Variants in KIAA0930 observed in about 807,000 individuals in gnomAD.
KIAA0930 encodes uncharacterized protein KIAA0930.
A neutral mutation model predicts 43.9 loss-of-function variants in KIAA0930; 24 were observed. That is an observed-to-expected ratio of 0.55 (90% CI 0.40 to 0.77). The LOEUF (loss-of-function observed/expected upper bound fraction) is 0.77, where lower values mean the gene tolerates loss of function less well. KIAA0930 is among the 30% of genes least tolerant of loss of function. KIAA0930 has a pLI of 0.00. For synonymous variants in KIAA0930, 259 were observed against 216.4 expected, an observed-to-expected ratio of 1.20 and a Z score of -1.73; for missense variants, 461 against 574.2, an observed-to-expected ratio of 0.80 and a Z score of 2.02.
Position 45,240,748 on chromosome 22 carries a change from C to CGGGGGCGGCGGCGGCGGG in KIAA0930, c.-63_-46dup, listed in dbSNP as rs1382586753. 1 of 853,524 alleles carries CGGGGGCGGCGGCGGCGGG rather than the reference C, an allele frequency of 1.2e-6. No individual in the cohort carries two copies. Among genetic ancestry groups the CGGGGGCGGCGGCGGCGGG allele is most frequent in the Non-Finnish European group, 1.3e-6 (1 of 746,196 alleles). The allele number at this position is 853,524 out of a possible 1,614,324, so 52.9% of individuals were successfully genotyped here. On this transcript the variant is annotated 5_prime_UTR_variant, in exon 1 of 10. Coordinates refer to ENST00000336156, the MANE Select transcript of KIAA0930 (RefSeq NM_001009880.2). ...TCGGCCTCGGCGCCGCCCGCAGGCTCGGGGGCGGCGGCGGCGGGGAGGGCG... is the reference window on the plus strand; with the variant it reads ...TCGGCCTCGGCGCCGCCCGCAGGCTCGGGGGCGGCGGCGGCGGGGGGGGCGGCGGCGGCGGGGAGGGCG...
rs751495087 is a variant in KIAA0930, at chr22:45,205,291, G to T, written c.442C>A (p.Pro148Thr). ...GACTCCTCCCCCTTGCTGTCCATGG[G>T]GTGTTTACTGGGGGACGCGAACACT... ...QQVFASPSKH[P>T]MDSKGEESKI... Residue 148 changes from proline (P) to threonine (T), a missense_variant, in exon 5 of 10, where the codon CCC becomes ACC. Physicochemically the swap from Pro to Thr is conservative, Grantham distance 38. Transcript: ENST00000336156. The T allele has an allele frequency of 6.8e-6, 11 of 1,613,960 alleles. No homozygotes were observed. The highest frequency in any genetic ancestry group is 1.3e-5 in the African/African-American group (1 of 74,910).
At chr22:45,216,965 C>A (rs1390057091) in intron 1 of KIAA0930, among the ~76,000 whole-genome samples, 1 of 152,226 alleles carries the variant, frequency 6.6e-6, no homozygotes, top group African/African-American at 2.4e-5. Context: ...TCAGTACCGA[C>A]CCACTGGGTC....
intron 1 of KIAA0930, among the ~76,000 whole-genome samples, chr22:45,229,657 G>A (rs1311164734): frequency 6.6e-6 from 1 of 152,234 alleles, no homozygotes; most frequent in Non-Finnish European, 1.5e-5. Flanking sequence ...ACGGGTTGAG[G>A]AGGGTGATTC....
At chr22:45,205,392 A>T in intron 4 of KIAA0930, 74 bp from the exon 5 acceptor site, 1 of 1,343,946 alleles carries the variant, frequency 7.4e-7, no homozygotes, top group Non-Finnish European at 1.1e-6. Context: ...CCAAGCCAGT[A>T]TAGGGAGGCC....
intron 1 of KIAA0930, among the ~76,000 whole-genome samples, chr22:45,235,803 G>A (rs888253717): frequency 6.6e-6 from 1 of 152,190 alleles, no homozygotes; most frequent in East Asian, 1.9e-4. Context: ...GTCTACAGAT[G>A]AGGACACTGA....
At chr22:45,201,695 T>C (rs931708636) in intron 7 of KIAA0930, among the ~76,000 whole-genome samples, 13 of 152,040 alleles carry the variant, frequency 8.6e-5, no homozygotes, top group Non-Finnish European at 1.5e-4. Context: ...TTGCAAAAAA[T>C]AGCACTTGCT....
chr22:45,201,733 G>A (rs1051543334), intron 7 of KIAA0930, among the ~76,000 whole-genome samples: 1 of 152,092 alleles, frequency 6.6e-6, no homozygotes, highest in Non-Finnish European at 1.5e-5. Context: ...CACATTCATT[G>A]CAGAAGATAC....
intron 1 of KIAA0930, among the ~76,000 whole-genome samples, chr22:45,237,002 G>T (rs560901764): frequency 6.6e-6 from 1 of 152,190 alleles, no homozygotes; most frequent in Non-Finnish European, 1.5e-5. Context: ...CCCAGGTCGC[G>T]TCCACGTTAC....
chr22:45,240,804 C>A lies in KIAA0930; in HGVS notation c.-101G>T, dbSNP rs1224904527. 1 of 508 alleles carries A rather than the reference C, an allele frequency of 2.0e-3. No homozygotes were observed. Among genetic ancestry groups the A allele is most frequent in the African/African-American group, 0.028 (1 of 36 alleles). 0.0% of individuals were successfully genotyped at this position (508 alleles called of 1,614,324 possible). On this transcript the variant is annotated 5_prime_UTR_variant, in exon 1 of 10. Coordinates refer to ENST00000336156, the MANE Select transcript of KIAA0930 (RefSeq NM_001009880.2). ...CCCGGCCCGCAGCCCGCCGCGAGCA[C>A]CAAGGAAGCCACAGTCCGCCTCTGT...
At chr22:45,232,831 C>G (rs1027673094) in intron 1 of KIAA0930, among the ~76,000 whole-genome samples, 2 of 152,162 alleles carry the variant, frequency 1.3e-5, no homozygotes, top group African/African-American at 4.8e-5. Flanking sequence ...GGGGCTGAGC[C>G]AGGGCTCTGT....
Position 45,194,559 on chromosome 22 carries a change from G to GT in KIAA0930, c.*2616_*2617insA, listed in dbSNP as rs2083519379. 6.6e-6 allele frequency: 1 copy of GT among 152,178 alleles called. No homozygotes were observed. The highest frequency in any genetic ancestry group is 1.5e-5 in the Non-Finnish European group (1 of 68,038). 9.4% of individuals were successfully genotyped at this position (152,178 alleles called of 1,614,324 possible). A position where few individuals can be genotyped will look rare whatever the true frequency, so the allele number is the denominator to read the frequency against. On this transcript the variant is annotated 3_prime_UTR_variant, in exon 10 of 10. Transcript: ENST00000336156. ...AGAAAAATTAAAGATGGTCTTACAA[G>GT]AAGTACAAATGTGCCAACACCAGGA...
At chr22:45,225,534 G>A (rs539960468) in intron 1 of KIAA0930, among the ~76,000 whole-genome samples, 4 of 152,114 alleles carry the variant, frequency 2.6e-5, no homozygotes, top group Admixed American at 1.3e-4. Context: ...AGCCAGCCTC[G>A]GCCCTTCTTC....
At chr22:45,209,468 G>C (rs1216584244) in intron 2 of KIAA0930, among the ~76,000 whole-genome samples, 1 of 152,198 alleles carries the variant, frequency 6.6e-6, no homozygotes, top group East Asian at 1.9e-4. Flanking sequence ...CATCGGCCTA[G>C]TCTGGCAGGT....
intron 4 of KIAA0930, 54 bp from the exon 5 acceptor site, chr22:45,205,372 C>T: frequency 1.3e-6 from 2 of 1,504,172 alleles, no homozygotes; most frequent in East Asian, 4.5e-5. Flanking sequence ...CACACAGGCC[C>T]AGAGCCAGTC....
intron 1 of KIAA0930, among the ~76,000 whole-genome samples, chr22:45,214,502 G>A (rs1279542626): frequency 6.6e-6 from 1 of 152,230 alleles, no homozygotes; most frequent in Admixed American, 6.5e-5. Flanking sequence ...ACATTCACAC[G>A]ATGTTTCGGA....
Position 45,201,876 on chromosome 22 carries a change from G to A in KIAA0930, c.852+1114C>T, listed in dbSNP as rs1193096243. On this transcript the variant is annotated intron_variant, in intron 7 of 9. Transcript: ENST00000336156. Reference sequence around the variant, plus strand: ...ACTCCCTCATCTCAGGCATGCCTGCGGTAATGCATCGTTTACATTCCCACG... The same window carrying A: ...ACTCCCTCATCTCAGGCATGCCTGCAGTAATGCATCGTTTACATTCCCACG... Among the ~76,000 whole-genome samples the A allele has an allele frequency of 5.9e-5, 9 of 152,282 alleles. No individual in the cohort carries two copies. The East Asian group carries it at 1.2e-3, about 20-fold the overall frequency.
chr22:45,219,933 A>G (rs1040879769), intron 1 of KIAA0930, among the ~76,000 whole-genome samples: 1 of 152,098 alleles, frequency 6.6e-6, no homozygotes, highest in African/African-American at 2.4e-5. Flanking sequence ...ATTTTCAGGA[A>G]ACAGACAGCT....
At chr22:45,211,898 A>G (rs1569077118) in intron 2 of KIAA0930, 58 bp downstream of exon 2, 3 of 1,554,324 alleles carry the variant, frequency 1.9e-6, no homozygotes, top group Non-Finnish European at 2.6e-6. Flanking sequence ...CACCGAGAGC[A>G]GACACCACAG....
intron 1 of KIAA0930, among the ~76,000 whole-genome samples, chr22:45,232,479 G>C (rs904863806): frequency 3.3e-5 from 5 of 152,224 alleles, no homozygotes; most frequent in Non-Finnish European, 7.3e-5. Flanking sequence ...GCACTGGTGA[G>C]ATCAGGCAGC....
Sources: allele counts gnomAD v4.1 joint callset (sites outside exome capture counted in the v4.1 genomes callset), GRCh38; gene constraint gnomAD v4.1.1; transcripts MANE v1.5; gene names NCBI Gene and HGNC (gene_info 2026-07-23, HGNC 2026-07-21).